Variants in CLEC2D observed in about 807,000 individuals in gnomAD.
The protein encoded by CLEC2D is C-type lectin related f.
Under a neutral mutation model 20.0 loss-of-function variants are expected in CLEC2D, and 16 were observed. The observed-to-expected ratio is 0.80, with a 90% confidence interval of 0.54 to 1.22. CLEC2D has a LOEUF of 1.22. CLEC2D is among the 50% of genes most tolerant of loss of function. The probability of loss-of-function intolerance (pLI) is 0.00; values close to 1 mark genes in which losing one functional copy is unlikely to be tolerated. For missense variants in CLEC2D, 207 were observed against 221.5 expected, an observed-to-expected ratio of 0.93 and a Z score of 0.42; for synonymous variants, 77 against 71.1, an observed-to-expected ratio of 1.08 and a Z score of -0.42.
intron 2 of CLEC2D, among the ~76,000 whole-genome samples, chr12:9,682,810 ATAG>A (rs1281134046): frequency 6.6e-6 from 1 of 152,204 alleles, no homozygotes. Flanking sequence ...GCTATTGTGA[ATAG>A]TGCCACAATA....
Position 9,695,254 on chromosome 12 carries a change from A to G in CLEC2D, c.*380A>G. The G allele has an allele frequency of 1.5e-6, 1 of 651,362 alleles. No individual in the cohort carries two copies. Among genetic ancestry groups the G allele is most frequent in the Non-Finnish European group, 2.8e-6 (1 of 361,716 alleles). The allele number at this position is 651,362 out of a possible 1,614,324, so 40.3% of individuals were successfully genotyped here. ...CACAGGAACTCCTATTTATACAACC[A>G]TCAGATATCTTGAGACAAGAACAGT... On this transcript the variant is annotated 3_prime_UTR_variant, in exon 5 of 5. Transcript: ENST00000290855.
At chr12:9,685,302 A>G (rs1182424442) in intron 2 of CLEC2D, among the ~76,000 whole-genome samples, 1 of 152,190 alleles carries the variant, frequency 6.6e-6, no homozygotes, top group Non-Finnish European at 1.5e-5. Context: ...TCTCCCAGTC[A>G]GGAGGCATGG....
At chr12:9,688,118 T>G in intron 3 of CLEC2D, 32 bp downstream of exon 3, 2 of 1,539,174 alleles carry the variant, frequency 1.3e-6, no homozygotes, top group Non-Finnish European at 1.8e-6. Context: ...GAATCAAAGA[T>G]TCAGCCCTAC....
At chr12:9,671,939 C>G (rs1865433130) in intron 1 of CLEC2D, among the ~76,000 whole-genome samples, 1 of 151,956 alleles carries the variant, frequency 6.6e-6, no homozygotes, top group Admixed American at 6.6e-5. Flanking sequence ...GGGATCACAG[C>G]AAAATTGTGA....
At chr12:9,693,214 C>G (rs905699258) in intron 4 of CLEC2D, 3 of 819,422 alleles carry the variant, frequency 3.7e-6, no homozygotes, top group African/African-American at 3.4e-5. Context: ...AAGTCTGTTC[C>G]TTACCTCCAC....
chr12:9,694,559 A>G (rs747295045), intron 4 of CLEC2D, among the ~76,000 whole-genome samples: 2 of 152,212 alleles, frequency 1.3e-5, no homozygotes, highest in South Asian at 2.1e-4. Flanking sequence ...TTGATTCAGG[A>G]CTTTGCAGTA....
At chr12:9,679,313 C>A (rs1222364205) in intron 1 of CLEC2D, among the ~76,000 whole-genome samples, 1 of 151,962 alleles carries the variant, frequency 6.6e-6, no homozygotes, top group African/African-American at 2.4e-5. Flanking sequence ...GTATAATTCT[C>A]TTTCCTTTTA....
Position 9,694,775 on chromosome 12 carries a change from A to G in CLEC2D, c.477A>G (p.Gly159=), listed in dbSNP as rs373243831. 1.2e-6 allele frequency: 2 copies of G among 1,606,512 alleles called. No individual in the cohort carries two copies. The highest frequency in any genetic ancestry group is 1.7e-5 in the Admixed American group (1 of 59,958). Residue 159 remains glycine (G), a synonymous_variant, in exon 5 of 5, where the codon GGA becomes GGG. Transcript: ENST00000290855. The part of the protein sequence containing the change: ...TEWTRQFPIL[G]AGECAYLNDK... Reference sequence around the variant, plus strand: ...TCTCTTGCAGGTTTCCTATCCTGGGAGCAGGAGAGTGTGCCTATTTGAATG... The same window carrying G: ...TCTCTTGCAGGTTTCCTATCCTGGGGGCAGGAGAGTGTGCCTATTTGAATG...
intron 1 of CLEC2D, among the ~76,000 whole-genome samples, chr12:9,672,736 A>G (rs1354880566): frequency 1.3e-5 from 2 of 151,968 alleles, no homozygotes; most frequent in African/African-American, 2.4e-5. Context: ...ATAGTCCCAT[A>G]GTTCTTGGAA....
chr12:9,671,397 T>A (rs1190307067), intron 1 of CLEC2D, among the ~76,000 whole-genome samples: 3 of 152,176 alleles, frequency 2.0e-5, no homozygotes, highest in African/African-American at 7.2e-5. Context: ...CTTTTTTGTA[T>A]TTTTAGTAGA....
intron 2 of CLEC2D, among the ~76,000 whole-genome samples, chr12:9,686,933 C>T (rs1362424428): frequency 6.6e-6 from 1 of 152,200 alleles, no homozygotes; most frequent in Non-Finnish European, 1.5e-5. Context: ...GGCTTTTTCA[C>T]ATCAAGAAAC....
rs2120997628 is a variant in CLEC2D, at chr12:9,696,584, CAT to C, written c.*1712_*1713del. 5.0e-6 allele frequency: 1 copy of C among 200,180 alleles called. No individual in the cohort carries two copies. The highest frequency in any genetic ancestry group is 1.0e-5 in the Non-Finnish European group (1 of 98,280). The allele number at this position is 200,180 out of a possible 1,614,324, so 12.4% of individuals were successfully genotyped here. A position where few individuals can be genotyped will look rare whatever the true frequency, so the allele number is the denominator to read the frequency against. ...AAAAAGGTATGGGGAAAACTGCCCCCATAAAGCAATTGTCTCCACCTGGCCCT... is the reference window on the plus strand; with the variant it reads ...AAAAAGGTATGGGGAAAACTGCCCCCAAAGCAATTGTCTCCACCTGGCCCT... On this transcript the variant is annotated 3_prime_UTR_variant, in exon 5 of 5. Coordinates refer to ENST00000290855, the MANE Select transcript of CLEC2D (RefSeq NM_013269.6).
intron 1 of CLEC2D, chr12:9,674,118 G>C (rs1417506656): frequency 6.6e-6 from 1 of 152,262 alleles, no homozygotes; most frequent in Non-Finnish European, 1.5e-5. Flanking sequence ...CCTCACTGGA[G>C]TTCCAGGCAC....
intron 1 of CLEC2D, among the ~76,000 whole-genome samples, chr12:9,672,116 C>G (rs1332362732): frequency 6.6e-6 from 1 of 152,140 alleles, no homozygotes; most frequent in Non-Finnish European, 1.5e-5. Context: ...GACTGAGAAA[C>G]ACATCTTGCT....
Position 9,681,226 on chromosome 12 carries a change from A to T in CLEC2D, c.172+193A>T, listed in dbSNP as rs79809204. Among the ~76,000 whole-genome samples, 482 of 152,314 alleles carry T rather than the reference A, an allele frequency of 3.2e-3. 3 individuals carry two copies. Among genetic ancestry groups the T allele is most frequent in the African/African-American group, 0.011 (459 of 41,568 alleles). On this transcript the variant is annotated intron_variant, in intron 2 of 4. Transcript: ENST00000290855. ...ATAGGGTTCACATTATTCCAAGTTTAGTGAGATGATCAGAGTCTTCAGAAG... is the reference window on the plus strand; with the variant it reads ...ATAGGGTTCACATTATTCCAAGTTTTGTGAGATGATCAGAGTCTTCAGAAG...
intron 1 of CLEC2D, 100 bp downstream of exon 1, chr12:9,669,895 T>G: frequency 1.1e-6 from 1 of 881,826 alleles, no homozygotes; most frequent in Non-Finnish European, 1.8e-6. Flanking sequence ...AGTAAAAAGT[T>G]TTCAAGGATA....
intron 3 of CLEC2D, among the ~76,000 whole-genome samples, chr12:9,688,975 AC>A (rs966014142): frequency 6.6e-6 from 1 of 152,288 alleles, no homozygotes; most frequent in African/African-American, 2.4e-5. Flanking sequence ...TATTTTCCAT[AC>A]CCCATTATTG....
Position 9,696,578 on chromosome 12 carries a change from TGCCCCCATAAA to T in CLEC2D, c.*1707_*1717del, listed in dbSNP as rs1866000411. 1 of 201,446 alleles carries T rather than the reference TGCCCCCATAAA, an allele frequency of 5.0e-6. No homozygotes were observed. The highest frequency in any genetic ancestry group is 1.0e-5 in the Non-Finnish European group (1 of 99,276). 12.5% of individuals were successfully genotyped at this position (201,446 alleles called of 1,614,324 possible). A position where few individuals can be genotyped will look rare whatever the true frequency, so the allele number is the denominator to read the frequency against. ...AAAAAAAAAAAGGTATGGGGAAAAC[TGCCCCCATAAA>T]GCAATTGTCTCCACCTGGCCCTGCC... On this transcript the variant is annotated 3_prime_UTR_variant, in exon 5 of 5. Coordinates refer to ENST00000290855, the MANE Select transcript of CLEC2D (RefSeq NM_013269.6).
chr12:9,677,854 A>G (rs749249028), intron 1 of CLEC2D, among the ~76,000 whole-genome samples: 27 of 152,038 alleles, frequency 1.8e-4, no homozygotes, highest in Non-Finnish European at 2.2e-4. Flanking sequence ...TCTCCTGAGT[A>G]GCTGGGAATA....
Sources: gnomAD v4.1 joint callset for allele counts (sites outside exome capture counted in the v4.1 genomes callset) on GRCh38, gnomAD v4.1.1 for gene constraint, MANE v1.5 for transcripts, NCBI Gene and HGNC (gene_info 2026-07-23, HGNC 2026-07-21) for gene names.